The following HARBI1 variants were observed in gnomAD, a reference collection of about 807,000 sequenced individuals.
The protein encoded by HARBI1 is harbinger transposase derived 1.
HARBI1 carries 15 observed loss-of-function variants against 25.3 expected under a neutral mutation model. The ratio of observed to expected loss-of-function variants is 0.59; its 90% CI spans 0.40 to 0.91. HARBI1 has a LOEUF of 0.91. HARBI1 is among the 40% of genes least tolerant of loss of function. HARBI1 has a pLI of 0.00. For missense variants in HARBI1, 396 were observed against 445.8 expected (o/e 0.89, Z 1.01); for synonymous variants, 168 against 160.5 (o/e 1.05, Z -0.35).
rs1390902657 is a variant in HARBI1, at chr11:46,615,884, G to T, written c.354C>A (p.Phe118Leu). ...TEALVERASQ[F>L]IRFPADEASI... The stretch of plus-strand genomic sequence containing the variant: ...AGGCTTCATCAGCTGGAAAGCGAAT[G>T]AACTGTGAGGCCCTTTCCACAAGTG... The change falls in exon 2 of 3, where the codon TTC becomes TTA. Residue 118 changes from phenylalanine (F) to leucine (L), a missense_variant. Phe to Leu is a conservative substitution (Grantham distance 22). Transcript: ENST00000326737. 2 of 1,614,172 alleles carry T rather than the reference G, an allele frequency of 1.2e-6. No homozygotes were observed. Among genetic ancestry groups the T allele is most frequent in the South Asian group, 2.2e-5 (2 of 91,082 alleles).
intron 2 of HARBI1, among the ~76,000 whole-genome samples, chr11:46,606,757 C>T (rs1468028826): frequency 6.6e-6 from 1 of 152,208 alleles, no homozygotes; most frequent in African/African-American, 2.4e-5. Flanking sequence ...ATCCTCCCAA[C>T]ACACCCTCCT....
At chr11:46,611,508 C>T (rs772903115) in intron 2 of HARBI1, among the ~76,000 whole-genome samples, 6 of 151,888 alleles carry the variant, frequency 4.0e-5, no homozygotes, top group Non-Finnish European at 8.8e-5. Context: ...CCTAGGGGTT[C>T]GAGACCAGCC....
At position 46,603,567 on chromosome 11, in the gene HARBI1, C is replaced by T. The variant is rs562293059; in HGVS notation, c.1013G>A (p.Arg338His). The T allele has an allele frequency of 2.0e-5, 32 of 1,609,748 alleles. No individual in the cohort carries two copies. Among genetic ancestry groups the T allele is most frequent in the South Asian group, 1.9e-4 (17 of 90,582 alleles). Residue 338 changes from arginine (R) to histidine (H), a missense_variant, in exon 3 of 3, where the codon CGT (arginine) becomes CAT (histidine). Arg to His is a conservative substitution (Grantham distance 29). Transcript: ENST00000326737. The part of the protein sequence containing the change: ...HMESLDLEAD[R>H]IRQELMLTHF... ...AGTGAGCATTAGCTCCTGACGAATA[C>T]GGTCAGCCTCTAAGTCCAGGGACTC...
chr11:46,609,850 A>AAT (rs2045105312), intron 2 of HARBI1, among the ~76,000 whole-genome samples: 1 of 124,940 alleles, frequency 8.0e-6, no homozygotes, highest in Non-Finnish European at 1.6e-5. Flanking sequence ...AAATAAAAGA[A>AAT]TTTTTTTTTT....
At chr11:46,607,807 T>C (rs1199672573) in intron 2 of HARBI1, among the ~76,000 whole-genome samples, 1 of 151,880 alleles carries the variant, frequency 6.6e-6, no homozygotes, top group Non-Finnish European at 1.5e-5. Context: ...GAGGCTGAAT[T>C]GTTTGCAGGA....
Position 46,615,597 on chromosome 11 carries a change from G to A in HARBI1, c.641C>T (p.Ala214Val), listed in dbSNP as rs779291856. 2.0e-5 allele frequency: 33 copies of A among 1,613,928 alleles called. No homozygotes were observed. The South Asian group carries it at 2.3e-4, about 11-fold the overall frequency. The change falls in exon 2 of 3, where the codon GCG becomes GTG. Residue 214 changes from alanine (A) to valine (V), a missense_variant. Physicochemically the swap from Ala to Val is moderately conservative, Grantham distance 64. Coordinates refer to ENST00000326737, the MANE Select transcript of HARBI1 (RefSeq NM_173811.4). The stretch of plus-strand genomic sequence containing the variant: ...AAGCCAGCTATCTTTGTGCATACCC[G>A]CTTCAAACTGACTACTGAGGGAAGA... ...QQSSLSSQFE[A>V]GMHKDSWLLG...
At chr11:46,603,984 A>G (rs2044845980) in intron 2 of HARBI1, 75 bp from the exon 3 acceptor site, 1 of 1,496,708 alleles carries the variant, frequency 6.7e-7, no homozygotes, top group Non-Finnish European at 8.8e-7. Flanking sequence ...CAGAAAACAT[A>G]TACTGACAAT....
chr11:46,616,216 G>C lies in HARBI1; in HGVS notation c.22C>G (p.Leu8Val). Residue 8 changes from leucine to valine, a missense_variant, in exon 2 of 3, where the codon CTT becomes GTT. Leu to Val is a conservative substitution (Grantham distance 32). Coordinates refer to ENST00000326737, the MANE Select transcript of HARBI1 (RefSeq NM_173811.4). MAIPITVLDCDLLLYGRG... is the reference protein window; with the variant it reads MAIPITVVDCDLLLYGRG... Reference sequence around the variant, plus strand: ...CCATATAGCAAGAGGTCACAGTCAAGCACTGTTATTGGTATAGCCATGGTA... The same window carrying C: ...CCATATAGCAAGAGGTCACAGTCAACCACTGTTATTGGTATAGCCATGGTA... 6.2e-7 allele frequency: 1 copy of C among 1,610,388 alleles called. No homozygotes were observed.
intron 2 of HARBI1, among the ~76,000 whole-genome samples, chr11:46,614,879 C>T (rs1250079993): frequency 6.6e-6 from 1 of 152,212 alleles, no homozygotes; most frequent in Non-Finnish European, 1.5e-5. Flanking sequence ...GCTCTACAGA[C>T]TGCCATATCT....
intron 2 of HARBI1, among the ~76,000 whole-genome samples, chr11:46,614,084 T>C (rs1183890856): frequency 6.6e-6 from 1 of 151,912 alleles, no homozygotes; most frequent in Non-Finnish European, 1.5e-5. Flanking sequence ...GATAAATTCT[T>C]AGGAGTAGAA....
chr11:46,616,522 C>T (rs986476709), intron 1 of HARBI1, 141 bp from the exon 2 acceptor site: 20 of 1,201,640 alleles, frequency 1.7e-5, no homozygotes, highest in African/African-American at 3.1e-5. Flanking sequence ...TTTTTCTCCA[C>T]TAACTCATGG....
In HARBI1 at chr11:46,603,557, C is replaced by T. The variant is rs2044830363; in HGVS notation, c.1023G>A (p.Gln341=). ...SLDLEADRIR[Q]ELMLTHFS ...AGCTAAAATGAGTGAGCATTAGCTC[C>T]TGACGAATACGGTCAGCCTCTAAGT... Residue 341 remains glutamine (Q), a synonymous_variant, in exon 3 of 3, where the codon CAG becomes CAA. Transcript: ENST00000326737. 1 of 1,605,862 alleles carries T rather than the reference C, an allele frequency of 6.2e-7. No individual in the cohort carries two copies.
Position 46,615,778 on chromosome 11 carries a change from C to T in HARBI1, c.460G>A (p.Ala154Thr). 1 of 1,614,192 alleles carries T rather than the reference C, an allele frequency of 6.2e-7. No individual in the cohort carries two copies. The highest frequency in any genetic ancestry group is 8.5e-7 in the Non-Finnish European group (1 of 1,180,034). The change falls in exon 2 of 3, where the codon GCC (alanine) becomes ACC (threonine). Residue 154 changes from alanine to threonine, a missense_variant. Physicochemically the swap from Ala to Thr is moderately conservative, Grantham distance 58. Coordinates refer to ENST00000326737, the MANE Select transcript of HARBI1 (RefSeq NM_173811.4). ...TCTTCAGCATTTGGTGCCTTGATGGCCACATGGATACAGTCAACCACCCCC... is the reference window on the plus strand; with the variant it reads ...TCTTCAGCATTTGGTGCCTTGATGGTCACATGGATACAGTCAACCACCCCC... Reference protein sequence around the residue: ...VMGVVDCIHVAIKAPNAEDLS... With the variant: ...VMGVVDCIHVTIKAPNAEDLS...
upstream of HARBI1, chr11:46,617,796 G>A: frequency 2.5e-6 from 1 of 399,224 alleles, no homozygotes; most frequent in Non-Finnish European, 4.4e-6. Flanking sequence ...GCTCCGGAGC[G>A]CGGAACCCTC....
At chr11:46,607,830 A>G (rs1419655878) in intron 2 of HARBI1, among the ~76,000 whole-genome samples, 1 of 150,524 alleles carries the variant, frequency 6.6e-6, no homozygotes, top group African/African-American at 2.4e-5. Flanking sequence ...AGGTATATTT[A>G]GAGGGGAATT....
chr11:46,613,879 C>T (rs912120064), intron 2 of HARBI1, among the ~76,000 whole-genome samples: 11 of 152,026 alleles, frequency 7.2e-5, no homozygotes, highest in African/African-American at 2.4e-4. Flanking sequence ...CTTTGTTGCC[C>T]AGGCTAATCT....
intron 2 of HARBI1, among the ~76,000 whole-genome samples, chr11:46,614,371 C>G (rs930780732): frequency 6.6e-6 from 1 of 151,894 alleles, no homozygotes; most frequent in African/African-American, 2.4e-5. Flanking sequence ...TTGCAGTGAG[C>G]CAAGATCGCA....
chr11:46,608,606 T>C (rs981715398), intron 2 of HARBI1, among the ~76,000 whole-genome samples: 1 of 151,366 alleles, frequency 6.6e-6, no homozygotes, highest in Non-Finnish European at 1.5e-5. Context: ...CCACCATGCC[T>C]GGCAATTAAA....
Position 46,603,647 on chromosome 11 carries a change from G to C in HARBI1, c.933C>G (p.Ser311=), listed in dbSNP as rs1191045713. ...GTTCCATGGGTCCTGTCATTGGAGA[G>C]GACCAAACATCCATCCCATGCTCCA... ...ISLEHGMDVW[S]SPMTGPMEQP... Residue 311 remains serine (S), a synonymous_variant, in exon 3 of 3, where the codon TCC becomes TCG. Transcript: ENST00000326737. 1 of 1,614,210 alleles carries C rather than the reference G, an allele frequency of 6.2e-7. No homozygotes were observed. Among genetic ancestry groups the C allele is most frequent in the East Asian group, 2.2e-5 (1 of 44,874 alleles).
Sources: allele counts gnomAD v4.1 joint callset (sites outside exome capture counted in the v4.1 genomes callset), GRCh38; gene constraint gnomAD v4.1.1; transcripts MANE v1.5; gene names NCBI Gene and HGNC (gene_info 2026-07-23, HGNC 2026-07-21).